NELL2: variants seen among roughly 807,000 people sequenced by gnomAD.
NELL2 encodes the protein neural EGFL like 2, also known as protein kinase C-binding protein NELL2.
NELL2 carries 41 observed loss-of-function variants against 109.6 expected under a neutral mutation model. The observed-to-expected ratio is 0.37, with a 90% confidence interval of 0.29 to 0.49. The LOEUF (loss-of-function observed/expected upper bound fraction) is 0.49, where lower values mean the gene tolerates loss of function less well. NELL2 is among the 20% of genes least tolerant of loss of function. The pLI is 0.98. For missense variants in NELL2, 900 were observed against 1,008.3 expected (o/e 0.89, Z 1.45); for synonymous variants, 355 against 344.7 (o/e 1.03, Z -0.33).
At chr12:44,827,410 T>A (rs958383396) in intron 2 of NELL2, among the ~76,000 whole-genome samples, 4 of 60,008 alleles carry the variant, frequency 6.7e-5, no homozygotes, top group Non-Finnish European at 1.8e-4. Flanking sequence ...TTCTTCTAAC[T>A]GTTTTTTTTT....
intron 15 of NELL2, 86 bp downstream of exon 15, chr12:44,607,083 G>A (rs977599485): frequency 5.1e-6 from 6 of 1,181,562 alleles, no homozygotes; most frequent in Non-Finnish European, 7.1e-6. Context: ...GAGCCCACTT[G>A]AAACTTGAAA....
intron 13 of NELL2, 50 bp from the exon 14 acceptor site, chr12:44,611,020 A>G: frequency 6.3e-7 from 1 of 1,589,086 alleles, no homozygotes; most frequent in Non-Finnish European, 8.6e-7. Flanking sequence ...TTCCAAAGCT[A>G]TATTTTAAAC....
chr12:44,898,114 G>A (rs2136877550), intron 1 of NELL2, among the ~76,000 whole-genome samples: 1 of 152,286 alleles, frequency 6.6e-6, no homozygotes, highest in Middle Eastern at 3.4e-3. Flanking sequence ...CTAGTCAGGG[G>A]CTTATAGAAA....
intron 2 of NELL2, among the ~76,000 whole-genome samples, chr12:44,832,326 A>C (rs930089359): frequency 1.3e-5 from 2 of 152,226 alleles, no homozygotes; most frequent in Admixed American, 6.5e-5. Context: ...GGCTTAGTTA[A>C]AGCAAGTACT....
chr12:44,783,634 A>G (rs1205908450), intron 3 of NELL2, among the ~76,000 whole-genome samples: 1 of 151,986 alleles, frequency 6.6e-6, no homozygotes, highest in Non-Finnish European at 1.5e-5. Context: ...CAGAATATGA[A>G]ACAGATTACT....
intron 2 of NELL2, among the ~76,000 whole-genome samples, chr12:44,842,999 G>A (rs1049465786): frequency 2.0e-5 from 3 of 152,154 alleles, no homozygotes; most frequent in Admixed American, 6.5e-5. Context: ...CTGGCCTTGC[G>A]TGAGAGAATA....
intron 15 of NELL2, among the ~76,000 whole-genome samples, chr12:44,574,060 A>AT: frequency 6.6e-6 from 1 of 151,282 alleles, no homozygotes; most frequent in African/African-American, 2.4e-5. Flanking sequence ...GTTATTTTTT[A>AT]TTTTATTTTT....
chr12:44,572,940 G>A (rs1028099099), intron 15 of NELL2, among the ~76,000 whole-genome samples: 6 of 152,152 alleles, frequency 3.9e-5, no homozygotes, highest in African/African-American at 1.4e-4. Context: ...AAGCAGCACT[G>A]GGAAAAAGCT....
intron 15 of NELL2, among the ~76,000 whole-genome samples, chr12:44,537,009 C>CA (rs1350482262): frequency 8.5e-5 from 3 of 35,286 alleles, no homozygotes; most frequent in East Asian, 9.0e-4. Flanking sequence ...CAAAACAAAA[C>CA]AAAAACCAAA....
chr12:44,820,390 C>T (rs1253023582), intron 2 of NELL2, among the ~76,000 whole-genome samples: 1 of 151,940 alleles, frequency 6.6e-6, no homozygotes, highest in Admixed American at 6.6e-5. Context: ...GGACAGATCA[C>T]GAGGTCAGGA....
chr12:44,876,128 C>T lies in NELL2; in HGVS notation c.-259G>A, dbSNP rs916086507. On this transcript the variant is annotated 5_prime_UTR_variant, in exon 1 of 20. Coordinates refer to ENST00000429094, the MANE Select transcript of NELL2 (RefSeq NM_001145108.2). ...GGCGGCAGCGCGGCCCGGAGGGGGC[C>T]CGGAGGGAGGGGTCGGACTCGCCCC... 28 of 1,304,560 alleles carry T rather than the reference C, an allele frequency of 2.1e-5. No homozygotes were observed. The highest frequency in any genetic ancestry group is 2.5e-5 in the Non-Finnish European group (26 of 1,026,326). 80.8% of individuals were successfully genotyped at this position (1,304,560 alleles called of 1,614,324 possible). A position where few individuals can be genotyped will look rare whatever the true frequency, so the allele number is the denominator to read the frequency against.
At chr12:44,815,925 T>A in intron 3 of NELL2, 61 bp downstream of exon 3, 1 of 1,537,876 alleles carries the variant, frequency 6.5e-7, no homozygotes, top group Non-Finnish European at 8.8e-7. Flanking sequence ...TTACTTCTCT[T>A]TAATATATTC....
chr12:44,657,319 AAGAG>A (rs1173465632), intron 13 of NELL2, among the ~76,000 whole-genome samples: 2 of 152,140 alleles, frequency 1.3e-5, no homozygotes, highest in South Asian at 4.1e-4. Context: ...AGAGAAAGAA[AAGAG>A]AGAGAGAGTG....
intron 2 of NELL2, among the ~76,000 whole-genome samples, chr12:44,827,939 C>G (rs116528758): frequency 2.6e-5 from 4 of 152,142 alleles, no homozygotes; most frequent in African/African-American, 9.7e-5. Flanking sequence ...ACAGTATATG[C>G]GGGTTCCCTT....
rs80147310 is a variant in NELL2 at position 44,532,602 on chromosome 12, G to C, written c.1783C>G (p.Pro595Ala). 1.9e-6 allele frequency: 3 copies of C among 1,613,232 alleles called. No homozygotes were observed. In the African/African-American group the frequency reaches 4.0e-5, roughly 22 times the overall value. The change falls in exon 16 of 20, where the codon CCA becomes GCA. Residue 595 changes from proline to alanine, a missense_variant. Coordinates refer to ENST00000429094, the MANE Select transcript of NELL2 (RefSeq NM_001145108.2). ...TGACCTTCACACGATTCTCCACTTG[G>C]TGAAAACATCCCATTGTCATGGTAG... ...DGYHDNGMFS[P>A]SGESCEDIDE...
intron 2 of NELL2, among the ~76,000 whole-genome samples, chr12:44,824,679 TTATTTATTTATTTA>T (rs2136705269): frequency 9.1e-6 from 1 of 109,678 alleles, no homozygotes; most frequent in African/African-American, 3.1e-5. Flanking sequence ...ATTTATTTAT[TTATTTATTTATTTA>T]TTTATTTTTA....
At chr12:44,888,967 A>C (rs1945505090) in intron 1 of NELL2, among the ~76,000 whole-genome samples, 1 of 152,048 alleles carries the variant, frequency 6.6e-6, no homozygotes, top group Non-Finnish European at 1.5e-5. Context: ...CTGCTTTCCT[A>C]AGCCAGACAC....
chr12:44,548,262 T>G (rs1347498589), intron 15 of NELL2, among the ~76,000 whole-genome samples: 1 of 152,164 alleles, frequency 6.6e-6, no homozygotes, highest in East Asian at 1.9e-4. Flanking sequence ...CAAAGGAAAT[T>G]ATTATGTAGT....
intron 13 of NELL2, among the ~76,000 whole-genome samples, chr12:44,631,792 C>G (rs1055356754): frequency 5.3e-5 from 8 of 152,214 alleles, no homozygotes; most frequent in African/African-American, 1.7e-4. Context: ...GTCTTCTAAA[C>G]AGTTGAAGAT....
Sources: gnomAD v4.1 joint callset for allele counts (sites outside exome capture counted in the v4.1 genomes callset) on GRCh38, gnomAD v4.1.1 for gene constraint, MANE v1.5 for transcripts, NCBI Gene and HGNC (gene_info 2026-07-23, HGNC 2026-07-21) for gene names.